FRMD5: variants seen among roughly 807,000 people sequenced by gnomAD.
The protein encoded by FRMD5 is FERM domain containing 5.
A neutral mutation model predicts 69.0 loss-of-function variants in FRMD5; 20 were observed. That is an observed-to-expected ratio of 0.29 (90% confidence interval 0.20 to 0.42). FRMD5 has a LOEUF of 0.42. Ranked by LOEUF, FRMD5 falls within the 10% of genes least tolerant of loss-of-function variation. The pLI, the probability that FRMD5 is intolerant of heterozygous loss-of-function variation, is 1.00. For synonymous variants in FRMD5, 271 were observed against 260.1 expected (o/e 1.04, Z -0.40); for missense variants, 595 against 708.6 (o/e 0.84, Z 1.82).
At chr15:43,895,107 T>C (rs1436382472) in intron 7 of FRMD5, among the ~76,000 whole-genome samples, 1 of 152,214 alleles carries the variant, frequency 6.6e-6, no homozygotes, top group Non-Finnish European at 1.5e-5. Flanking sequence ...AATATTATTA[T>C]AGCTGCTACT....
chr15:43,930,327 G>C (rs1043177922), intron 1 of FRMD5, among the ~76,000 whole-genome samples: 1 of 152,230 alleles, frequency 6.6e-6, no homozygotes, highest in Non-Finnish European at 1.5e-5. Flanking sequence ...CCATCTGCAA[G>C]CAATACTCTC....
chr15:43,992,537 C>T (rs561519883), intron 1 of FRMD5, among the ~76,000 whole-genome samples: 1 of 151,920 alleles, frequency 6.6e-6, no homozygotes, highest in Non-Finnish European at 1.5e-5. Context: ...GCTACTATGC[C>T]CAGCTAATTT....
intron 1 of FRMD5, among the ~76,000 whole-genome samples, chr15:44,011,162 CTTTTTCT>C (rs931059923): frequency 4.4e-4 from 24 of 54,154 alleles, no homozygotes; most frequent in Non-Finnish European, 9.6e-4. Flanking sequence ...GGCTTCTTTT[CTTTTTCT>C]TTTAATTTCC....
rs1161548945 is a variant in FRMD5 at position 44,138,582 on chromosome 15, C to A, written c.102+56371G>T. The stretch of plus-strand genomic sequence containing the variant: ...ATAAAGAATGTAGGCAAAATAAAAA[C>A]ATTTTAAAACCTACAATGACCATGT... On this transcript the variant is annotated intron_variant, in intron 1 of 13. Transcript: ENST00000417257. 5.9e-5 allele frequency among the ~76,000 whole-genome samples: 9 copies of A among 152,204 alleles called. No individual in the cohort carries two copies. The South Asian group carries it at 1.9e-3, about 32-fold the overall frequency.
At chr15:43,952,875 CTG>C (rs1393787973) in intron 1 of FRMD5, among the ~76,000 whole-genome samples, 4 of 152,192 alleles carry the variant, frequency 2.6e-5, no homozygotes, top group Non-Finnish European at 5.9e-5. Context: ...TTGAGGAAAA[CTG>C]TAAGTCAGCA....
At chr15:44,184,654 A>G (rs1258953823) in intron 1 of FRMD5, among the ~76,000 whole-genome samples, 2 of 152,226 alleles carry the variant, frequency 1.3e-5, no homozygotes, top group Non-Finnish European at 2.9e-5. Flanking sequence ...CTATTAAATG[A>G]GAGGCTAATA....
chr15:43,886,785 G>A (rs1414804056), intron 10 of FRMD5, among the ~76,000 whole-genome samples: 4 of 152,222 alleles, frequency 2.6e-5, no homozygotes, highest in Admixed American at 2.6e-4. Context: ...CTAGGCCAAA[G>A]GCAGGACTAG....
chr15:44,047,021 C>G (rs1595667354), intron 1 of FRMD5, among the ~76,000 whole-genome samples: 2 of 152,146 alleles, frequency 1.3e-5, no homozygotes, highest in African/African-American at 4.8e-5. Context: ...AATGAAAAAA[C>G]TAAGGCCAGG....
chr15:43,899,173 T>C (rs1306603201), intron 7 of FRMD5, among the ~76,000 whole-genome samples: 3 of 152,232 alleles, frequency 2.0e-5, no homozygotes, highest in Admixed American at 1.3e-4. Flanking sequence ...TGTAGCAGCA[T>C]TAAGGCGAGC....
chr15:44,161,896 T>C (rs2077621859), intron 1 of FRMD5, among the ~76,000 whole-genome samples: 2 of 152,228 alleles, frequency 1.3e-5, no homozygotes, highest in African/African-American at 2.4e-5. Context: ...ATGAGCCTTA[T>C]GTTCTGTCAT....
intron 1 of FRMD5, among the ~76,000 whole-genome samples, chr15:44,009,962 C>T (rs936694265): frequency 1.3e-5 from 2 of 152,184 alleles, no homozygotes; most frequent in Non-Finnish European, 2.9e-5. Flanking sequence ...TTTTTGGAAC[C>T]TGAGTATATT....
rs977228445 is a variant in FRMD5 at position 43,873,547 on chromosome 15, T to A, written c.*338A>T. 7.2e-7 allele frequency: 1 copy of A among 1,383,974 alleles called. No individual in the cohort carries two copies. Among genetic ancestry groups the A allele is most frequent in the African/African-American group, 1.5e-5 (1 of 68,270 alleles). 85.7% of individuals were successfully genotyped at this position (1,383,974 alleles called of 1,614,324 possible). A position where few individuals can be genotyped will look rare whatever the true frequency, so the allele number is the denominator to read the frequency against. On this transcript the variant is annotated 3_prime_UTR_variant, in exon 14 of 14. Coordinates refer to ENST00000417257, the MANE Select transcript of FRMD5 (RefSeq NM_032892.5). ...CAATAATCAGTAATAGTAAAATAAA[T>A]TATTTTTATTTGATACTTCAAAATA...
chr15:43,900,618 G>GTTTTT (rs200956036), intron 7 of FRMD5, among the ~76,000 whole-genome samples: 2 of 146,118 alleles, frequency 1.4e-5, no homozygotes, highest in African/African-American at 5.3e-5. Flanking sequence ...ATTCATTCCT[G>GTTTTT]GTTTTTTTTT....
intron 13 of FRMD5, 114 bp downstream of exon 13, chr15:43,883,589 G>T: frequency 1.4e-6 from 1 of 720,236 alleles, no homozygotes; most frequent in Admixed American, 2.4e-5. Flanking sequence ...TGCCACTGGA[G>T]GCCCTTTTCC....
At chr15:43,914,869 G>T (rs1321671256) in intron 4 of FRMD5, among the ~76,000 whole-genome samples, 1 of 151,946 alleles carries the variant, frequency 6.6e-6, no homozygotes, top group Non-Finnish European at 1.5e-5. Flanking sequence ...GGGATTACAG[G>T]CACGTGCCAC....
upstream of FRMD5, among the ~76,000 whole-genome samples, chr15:44,198,527 G>A (rs2078324551): frequency 1.3e-5 from 2 of 152,058 alleles, no homozygotes; most frequent in African/African-American, 4.8e-5. Flanking sequence ...GAATCTAGAT[G>A]TATGTCTCCA....
intron 1 of FRMD5, among the ~76,000 whole-genome samples, chr15:44,042,590 C>A (rs968410163): frequency 3.3e-5 from 5 of 152,240 alleles, no homozygotes; most frequent in Admixed American, 3.3e-4. Flanking sequence ...ACGATCAAGT[C>A]AGCTTCATCC....
intron 1 of FRMD5, among the ~76,000 whole-genome samples, chr15:44,032,482 C>A (rs1321430398): frequency 1.3e-5 from 2 of 152,020 alleles, no homozygotes; most frequent in Non-Finnish European, 2.9e-5. Flanking sequence ...TATCCAGCAT[C>A]CATAAGGAAC....
At chr15:44,110,019 T>C (rs1208168998) in intron 1 of FRMD5, among the ~76,000 whole-genome samples, 1 of 152,234 alleles carries the variant, frequency 6.6e-6, no homozygotes, top group Non-Finnish European at 1.5e-5. Context: ...GGTTTATTTA[T>C]TTATTCACCT....
Sources: allele counts gnomAD v4.1 joint callset (sites outside exome capture counted in the v4.1 genomes callset), GRCh38; gene constraint gnomAD v4.1.1; transcripts MANE v1.5; gene names NCBI Gene and HGNC (gene_info 2026-07-23, HGNC 2026-07-21).